AGAP1: variants seen among roughly 807,000 people sequenced by gnomAD.
The protein encoded by AGAP1 is arf-GAP with GTPase, ANK repeat and PH domain-containing protein 1.
In AGAP1, 29 loss-of-function variants were observed where a neutral mutation model predicts 105.3. The observed-to-expected ratio is 0.28, with a 90% confidence interval of 0.21 to 0.38. The LOEUF (loss-of-function observed/expected upper bound fraction) is 0.38. Ranked by LOEUF, AGAP1 falls within the 10% of genes least tolerant of loss-of-function variation. The pLI is 1.00. For missense variants in AGAP1, 998 were observed against 1,165.1 expected, an observed-to-expected ratio of 0.86 and a Z score of 2.09; for synonymous variants, 509 against 485.9, an observed-to-expected ratio of 1.05 and a Z score of -0.63.
In AGAP1 at chr2:235,898,830, G is replaced by C. The variant is rs184921891; in HGVS notation, c.1156-9908G>C. 1.8e-3 allele frequency among the ~76,000 whole-genome samples: 276 copies of C among 152,274 alleles called. 2 individuals are homozygous for C. Among genetic ancestry groups the C allele is most frequent in the African/African-American group, 6.2e-3 (257 of 41,546 alleles). ...ACTCGGAGGAGAGTGGAGGCACTCT[G>C]ATTTCGAGGCTTATTCCCTGACCAA... On this transcript the variant is annotated intron_variant, in intron 10 of 17. Transcript: ENST00000304032.
At chr2:235,902,869 G>A (rs2051132818) in intron 10 of AGAP1, among the ~76,000 whole-genome samples, 2 of 152,200 alleles carry the variant, frequency 1.3e-5, no homozygotes, top group South Asian at 4.1e-4. Context: ...AGGTCGAAAT[G>A]TTTAAAAATC....
chr2:235,925,319 G>A (rs74923132), intron 11 of AGAP1, among the ~76,000 whole-genome samples: 307 of 151,988 alleles, frequency 2.0e-3, no homozygotes, highest in African/African-American at 6.9e-3. Flanking sequence ...ACGATGGTGC[G>A]CAGAGTTTTC....
At chr2:235,694,664 AG>A (rs1423153603) in intron 1 of AGAP1, among the ~76,000 whole-genome samples, 1 of 151,348 alleles carries the variant, frequency 6.6e-6, no homozygotes, top group African/African-American at 2.4e-5. Context: ...AAAAAAAAAA[AG>A]AAAAAAAGGA....
At chr2:235,833,219 C>T (rs1035669734) in intron 9 of AGAP1, among the ~76,000 whole-genome samples, 5 of 152,296 alleles carry the variant, frequency 3.3e-5, no homozygotes, top group East Asian at 1.9e-4. Context: ...GGCCTGCCGC[C>T]GTGCTGAGTG....
chr2:235,730,972 C>A (rs1951915597), intron 3 of AGAP1, among the ~76,000 whole-genome samples: 1 of 152,158 alleles, frequency 6.6e-6, no homozygotes, highest in African/African-American at 2.4e-5. Context: ...TTACCCCCAA[C>A]CCCCAGCCCC....
chr2:235,797,370 G>A (rs1957290194), intron 6 of AGAP1, among the ~76,000 whole-genome samples: 1 of 152,076 alleles, frequency 6.6e-6, no homozygotes, highest in Non-Finnish European at 1.5e-5. Context: ...CCTGTTCCCA[G>A]TGTCGCCTCG....
chr2:235,960,538 T>C lies in AGAP1; in HGVS notation c.1484-7924T>C, dbSNP rs1302106968. On this transcript the variant is annotated intron_variant, in intron 12 of 17. Coordinates refer to ENST00000304032, the MANE Select transcript of AGAP1 (RefSeq NM_001037131.3). This position sits in a 1 kb window ranked among gnomAD's most constrained non-coding sequence, Gnocchi z 4.9. ...GCAGGTGGGCGTGCGGACTCTTCCG[T>C]ACCTCACTTCTCCCTGCACCTGTGG... Among the ~76,000 whole-genome samples, 2 of 152,126 alleles carry C rather than the reference T, an allele frequency of 1.3e-5. No homozygotes were observed. The highest frequency in any genetic ancestry group is 4.8e-5 in the African/African-American group (2 of 41,444).
In AGAP1 at chr2:235,976,499, G is replaced by A. The variant is rs56947526; in HGVS notation, c.1645+7876G>A. On this transcript the variant is annotated intron_variant, in intron 13 of 17. Transcript: ENST00000304032. This position sits in a 1 kb window ranked among gnomAD's most constrained non-coding sequence, Gnocchi z 4.5. Reference sequence around the variant, plus strand: ...CGGAAGATTCCCATCGTGATGAACCGACGCACAGAAGGATGTTTGTAGTGT... The same window carrying A: ...CGGAAGATTCCCATCGTGATGAACCAACGCACAGAAGGATGTTTGTAGTGT... 0.021 allele frequency among the ~76,000 whole-genome samples: 3,174 copies of A among 152,300 alleles called. 122 individuals are homozygous for A. Among genetic ancestry groups the A allele is most frequent in the African/African-American group, 0.073 (3,029 of 41,562 alleles).
chr2:235,804,942 A>G (rs181001255), intron 8 of AGAP1, among the ~76,000 whole-genome samples: 90 of 152,324 alleles, frequency 5.9e-4, no homozygotes, highest in Non-Finnish European at 1.1e-3. Flanking sequence ...AGGATGTGCC[A>G]TTAGTGATGA....
At chr2:235,803,181 GTGA>G (rs1424662061) in intron 8 of AGAP1, among the ~76,000 whole-genome samples, 1 of 145,678 alleles carries the variant, frequency 6.9e-6, no homozygotes, top group South Asian at 2.3e-4. Flanking sequence ...TGTGGTGATG[GTGA>G]TGATGGTTGT....
rs1284882405 is a variant in AGAP1, at chr2:236,061,669, G to A, written c.2114+12388G>A. 6.6e-6 allele frequency among the ~76,000 whole-genome samples: 1 copy of A among 152,164 alleles called. No homozygotes were observed. Among genetic ancestry groups the A allele is most frequent in the Non-Finnish European group, 1.5e-5 (1 of 68,030 alleles). The stretch of plus-strand genomic sequence containing the variant: ...ACAGGCACCTCCATAGTAATGCAAA[G>A]TAGATTCCTGCTTGCCAGGTGCAGG... On this transcript the variant is annotated intron_variant, in intron 16 of 17. Transcript: ENST00000304032. This position sits in a 1 kb window ranked among gnomAD's most constrained non-coding sequence, Gnocchi z 4.1.
At chr2:235,804,602 G>A (rs1438134632) in intron 8 of AGAP1, among the ~76,000 whole-genome samples, 4 of 152,252 alleles carry the variant, frequency 2.6e-5, no homozygotes, top group Admixed American at 2.6e-4. Flanking sequence ...CCTGTAGGCA[G>A]GTAGTTAGTT....
rs1946984975 is a variant in AGAP1 at position 235,635,979 on chromosome 2, G to A, written c.164-73200G>A. 6.6e-6 allele frequency among the ~76,000 whole-genome samples: 1 copy of A among 152,006 alleles called. No individual in the cohort carries two copies. ...ACTACAAAAATGAGCTGGGCATGGG[G>A]GTGCATGCCTGTAATCCCAGCTACT... On this transcript the variant is annotated intron_variant, in intron 1 of 17. Transcript: ENST00000304032. The surrounding 1 kb of genome is among the most constrained non-coding windows in gnomAD (Gnocchi z 5.3).
chr2:235,794,819 T>G (rs1442759676), intron 6 of AGAP1, among the ~76,000 whole-genome samples: 2 of 152,186 alleles, frequency 1.3e-5, no homozygotes, highest in Non-Finnish European at 2.9e-5. Context: ...GTTTCTGATC[T>G]ATGCACCAAC....
intron 6 of AGAP1, among the ~76,000 whole-genome samples, chr2:235,781,412 C>T (rs376471490): frequency 6.6e-6 from 1 of 152,184 alleles, no homozygotes; most frequent in East Asian, 1.9e-4. Context: ...CTTATTGTAA[C>T]TGTTATCACA....
rs1013471358 is a variant in AGAP1 at position 235,739,685 on chromosome 2, C to T, written c.311-1278C>T. ...AGCACACGAGCATGGCAGGAGCTCG[C>T]GGGAACGGGCCAACGCCCCACTGCC... On this transcript the variant is annotated intron_variant, in intron 3 of 17. Transcript: ENST00000304032. The surrounding 1 kb of genome is among the most constrained non-coding windows in gnomAD (Gnocchi z 5.3). 3.9e-5 allele frequency among the ~76,000 whole-genome samples: 6 copies of T among 152,234 alleles called. No individual in the cohort carries two copies. The highest frequency in any genetic ancestry group is 7.2e-5 in the African/African-American group (3 of 41,450).
chr2:235,947,779 A>C (rs981610649), intron 12 of AGAP1, among the ~76,000 whole-genome samples: 2 of 152,260 alleles, frequency 1.3e-5, no homozygotes, highest in Admixed American at 1.3e-4. Context: ...TAGAATGAGC[A>C]GTTGAACGTT....
Position 235,751,170 on chromosome 2 carries a change from G to A in AGAP1, c.673+682G>A, listed in dbSNP as rs1452127082. 6.6e-6 allele frequency among the ~76,000 whole-genome samples: 1 copy of A among 151,934 alleles called. No individual in the cohort carries two copies. The highest frequency in any genetic ancestry group is 1.5e-5 in the Non-Finnish European group (1 of 67,990). On this transcript the variant is annotated intron_variant, in intron 6 of 17. Transcript: ENST00000304032. This position sits in a 1 kb window ranked among gnomAD's most constrained non-coding sequence, Gnocchi z 5.3. ...CGTCTATGAGAGAGGAGCCTGTGCAGATGCGTGGGGTGGGCGGGAGAGGTG... is the reference window on the plus strand; with the variant it reads ...CGTCTATGAGAGAGGAGCCTGTGCAAATGCGTGGGGTGGGCGGGAGAGGTG...
intron 1 of AGAP1, among the ~76,000 whole-genome samples, chr2:235,509,915 C>T (rs1941999982): frequency 6.6e-6 from 1 of 152,086 alleles, no homozygotes. Flanking sequence ...ACCCCCTGAG[C>T]TCCACTTCCT....
Sources: gnomAD v4.1 joint callset for allele counts (sites outside exome capture counted in the v4.1 genomes callset) on GRCh38, gnomAD v4.1.1 for gene constraint, Gnocchi (gnomAD v3.1) non-coding constraint, MANE v1.5 for transcripts, NCBI Gene and HGNC (gene_info 2026-07-23, HGNC 2026-07-21) for gene names.